Variants in SEM1 observed in about 807,000 individuals in gnomAD.
SEM1 encodes 26S proteasome complex subunit SEM1.
A neutral mutation model predicts 12.7 loss-of-function variants in SEM1; 3 were observed. The ratio of observed to expected loss-of-function variants is 0.24; its 90% confidence interval spans 0.11 to 0.61. SEM1 has a LOEUF of 0.61. Among genes scored for constraint, SEM1 ranks in the 20% least tolerant of loss-of-function variants. The pLI is 0.88. For missense variants in SEM1, 59 were observed against 81.3 expected, an observed-to-expected ratio of 0.73 and a Z score of 1.06; for synonymous variants, 30 against 27.8, an observed-to-expected ratio of 1.08 and a Z score of -0.25.
intron 2 of SEM1, among the ~76,000 whole-genome samples, chr7:96,582,168 GT>G (rs977801227): frequency 6.6e-6 from 1 of 151,558 alleles, no homozygotes; most frequent in African/African-American, 2.4e-5. Flanking sequence ...TTTATTGAGA[GT>G]TTTTTGCATG....
At chr7:96,604,693 C>T (rs569029731) in intron 2 of SEM1, among the ~76,000 whole-genome samples, 2 of 151,656 alleles carry the variant, frequency 1.3e-5, no homozygotes, top group African/African-American at 4.8e-5. Flanking sequence ...CTGAGGCGGG[C>T]GAATCACTTG....
intron 2 of SEM1, among the ~76,000 whole-genome samples, chr7:96,569,884 G>A (rs1805963416): frequency 6.6e-6 from 1 of 151,954 alleles, no homozygotes; most frequent in Non-Finnish European, 1.5e-5. Flanking sequence ...TTATGGCTCG[G>A]TAGTGTTTCA....
In SEM1 at chr7:96,692,050, T is replaced by C. The variant is rs368892585; in HGVS notation, c.170+2748A>G. On this transcript the variant is annotated intron_variant, in intron 2 of 2. Coordinates refer to ENST00000248566, the MANE Select transcript of SEM1 (RefSeq NM_006304.2). Reference sequence around the variant, plus strand: ...CAACAAAAATAGATTTATATACCTATAGAAATCCACAAACCTAAAGGCAGA... The same window carrying C: ...CAACAAAAATAGATTTATATACCTACAGAAATCCACAAACCTAAAGGCAGA... Among the ~76,000 whole-genome samples the C allele has an allele frequency of 6.3e-4, 96 of 152,258 alleles. 2 individuals are homozygous for C. The South Asian group carries it at 0.018, about 29-fold the overall frequency.
At chr7:96,516,797 A>T (rs1804108532) in intron 2 of SEM1, among the ~76,000 whole-genome samples, 1 of 152,176 alleles carries the variant, frequency 6.6e-6, no homozygotes, top group Admixed American at 6.5e-5. Context: ...CTTTATTCAT[A>T]ATTGCCCAAA....
chr7:96,623,946 T>A (rs888783684), intron 2 of SEM1, among the ~76,000 whole-genome samples: 4 of 152,098 alleles, frequency 2.6e-5, no homozygotes, highest in Non-Finnish European at 5.9e-5. Context: ...GCATGTCAAA[T>A]CTCCCTCTGG....
chr7:96,482,841 C>T (rs1442873259), exon 4 of SEM1: 7 of 152,150 alleles, frequency 4.6e-5, no homozygotes, highest in Non-Finnish European at 1.0e-4. Flanking sequence ...CAAAGAAATA[C>T]AAGACAGTTT....
exon 4 of SEM1, chr7:96,483,708 G>A (rs1563021194): frequency 2.1e-6 from 2 of 949,236 alleles, no homozygotes; most frequent in Non-Finnish European, 3.2e-6. Flanking sequence ...AACTTGTCAT[G>A]TGACCCACCC....
At chr7:96,665,028 A>G (rs73394803) in intron 2 of SEM1, among the ~76,000 whole-genome samples, 3,209 of 152,182 alleles carry the variant, frequency 0.021, 86 homozygotes, top group African/African-American at 0.074. Flanking sequence ...CAGATTCACA[A>G]TCCCACACGT....
At chr7:96,537,764 T>A (rs1342593228) in intron 2 of SEM1, among the ~76,000 whole-genome samples, 1 of 151,654 alleles carries the variant, frequency 6.6e-6, no homozygotes, top group Non-Finnish European at 1.5e-5. Flanking sequence ...TTTTGGTTTG[T>A]TTTGTGTATT....
At chr7:96,638,051 G>A (rs1220070107) in intron 2 of SEM1, among the ~76,000 whole-genome samples, 1 of 151,978 alleles carries the variant, frequency 6.6e-6, no homozygotes, top group Non-Finnish European at 1.5e-5. Flanking sequence ...TTGATGGCTG[G>A]ATTTGGTCAA....
intron 2 of SEM1, among the ~76,000 whole-genome samples, chr7:96,542,594 T>C (rs1456097148): frequency 1.3e-5 from 2 of 151,680 alleles, no homozygotes; most frequent in African/African-American, 2.4e-5. Context: ...AAATGGAAAA[T>C]AAAAAATGAT....
intron 2 of SEM1, among the ~76,000 whole-genome samples, chr7:96,689,237 G>A (rs983416630): frequency 1.3e-5 from 2 of 151,856 alleles, no homozygotes; most frequent in Non-Finnish European, 2.9e-5. Context: ...GAAATGTGAG[G>A]GACTTACTGC....
upstream of SEM1, among the ~76,000 whole-genome samples, chr7:96,499,331 A>G (rs968522108): frequency 2.6e-5 from 4 of 152,178 alleles, no homozygotes; most frequent in African/African-American, 9.6e-5. Flanking sequence ...ATTTCAGGTC[A>G]CAGAATAAGT....
intron 2 of SEM1, among the ~76,000 whole-genome samples, chr7:96,529,425 A>G (rs1451513143): frequency 2.6e-5 from 4 of 152,150 alleles, no homozygotes; most frequent in African/African-American, 9.6e-5. Flanking sequence ...TTGCTGGATC[A>G]TAGTTACAAA....
chr7:96,572,799 C>T (rs1045105844), intron 2 of SEM1, among the ~76,000 whole-genome samples: 3 of 152,046 alleles, frequency 2.0e-5, no homozygotes, highest in African/African-American at 2.4e-5. Flanking sequence ...CTATTAGGTC[C>T]GCTTGGTCCA....
At chr7:96,693,760 T>TGTGTGTGTGTGTGTGTGTGTGTG (rs1790002060) in intron 2 of SEM1, among the ~76,000 whole-genome samples, 1 of 139,566 alleles carries the variant, frequency 7.2e-6, no homozygotes, top group Non-Finnish European at 1.6e-5. Context: ...ACAATTCCAC[T>TGTGTGTGTGTGTGTGTGTGTGTG]TGTGTGTGTG....
intron 1 of SEM1, among the ~76,000 whole-genome samples, chr7:96,703,855 G>C (rs185636473): frequency 6.6e-6 from 1 of 152,078 alleles, no homozygotes; most frequent in Admixed American, 6.6e-5. Flanking sequence ...GGCTGATAGG[G>C]AGGCTGAGAC....
intron 2 of SEM1, among the ~76,000 whole-genome samples, chr7:96,534,587 C>T (rs1169726945): frequency 6.6e-6 from 1 of 151,960 alleles, no homozygotes; most frequent in Non-Finnish European, 1.5e-5. Flanking sequence ...TTTTAAGAAA[C>T]TGCTGCTTGT....
chr7:96,671,461 A>G (rs1789314560), downstream of SEM1, among the ~76,000 whole-genome samples: 2 of 152,150 alleles, frequency 1.3e-5, no homozygotes, highest in Admixed American at 1.3e-4. Context: ...ATCCCCACCC[A>G]TGAGGACTTT....
Sources: gnomAD v4.1 joint callset for allele counts (sites outside exome capture counted in the v4.1 genomes callset) on GRCh38, gnomAD v4.1.1 for gene constraint, MANE v1.5 for transcripts, NCBI Gene and HGNC (gene_info 2026-07-23, HGNC 2026-07-21) for gene names.